Variants in C8orf89 observed in about 807,000 individuals in gnomAD.
C8orf89 encodes the protein chromosome 8 open reading frame 89, also known as putative uncharacterized protein C8orf89.
In C8orf89, 14 loss-of-function variants were observed where a neutral mutation model predicts 15.8. The ratio of observed to expected loss-of-function variants is 0.89; its 90% CI spans 0.59 to 1.39. C8orf89 has a LOEUF of 1.39. C8orf89 is among the 40% of genes most tolerant of loss of function. The probability of loss-of-function intolerance (pLI) is 0.00; values close to 1 mark genes in which losing one functional copy is unlikely to be tolerated. For synonymous variants in C8orf89, 55 were observed against 62.2 expected (o/e 0.88, Z 0.54); for missense variants, 181 against 184.5 (o/e 0.98, Z 0.11).
chr8:73,267,762 C>T, the C8orf89 span, among the ~76,000 whole-genome samples: 328 of 152,206 alleles, frequency 2.2e-3, 2 homozygotes, highest in African/African-American at 7.2e-3. Context: ...GTAGTTACCA[C>T]GTACAGTCAG....
chr8:73,241,437 A>G lies in C8orf89; in HGVS notation c.*20T>C. The G allele has an allele frequency of 6.7e-7, 1 of 1,490,036 alleles. No individual in the cohort carries two copies. The highest frequency in any genetic ancestry group is 8.9e-7 in the Non-Finnish European group (1 of 1,122,178). The allele number at this position is 1,490,036 out of a possible 1,614,324, so 92.3% of individuals were successfully genotyped here. Reference sequence around the variant, plus strand: ...AAGCTTAAAAGTCACTGAAGAAAGCATCACACTGTACGACATTTTTCAGCG... The same window carrying G: ...AAGCTTAAAAGTCACTGAAGAAAGCGTCACACTGTACGACATTTTTCAGCG... On this transcript the variant is annotated 3_prime_UTR_variant, in exon 4 of 4. Coordinates refer to ENST00000624510, the MANE Select transcript of C8orf89 (RefSeq NM_001243237.3).
At chr8:73,285,917 C>A in the C8orf89 span, among the ~76,000 whole-genome samples, 1 of 152,212 alleles carries the variant, frequency 6.6e-6, no homozygotes, top group African/African-American at 2.4e-5. Flanking sequence ...CCGGCGTCTC[C>A]CGAGGCTGCA....
chr8:73,280,203 ATTTCCTTT>A, the C8orf89 span, among the ~76,000 whole-genome samples: 1 of 151,836 alleles, frequency 6.6e-6, no homozygotes, highest in Non-Finnish European at 1.5e-5. Context: ...GCACCTGGGG[ATTTCCTTT>A]TCTTTGTTCC....
chr8:73,285,278 G>A, the C8orf89 span, among the ~76,000 whole-genome samples: 1 of 152,176 alleles, frequency 6.6e-6, no homozygotes, highest in East Asian at 1.9e-4. Context: ...ATAGATGTAA[G>A]TACTTACTTA....
chr8:73,277,612 C>T, the C8orf89 span: 827 of 761,718 alleles, frequency 1.1e-3, 6 homozygotes, highest in African/African-American at 0.011. Context: ...CATCTTCTGC[C>T]TTTGTGGACC....
chr8:73,266,598 T>C, the C8orf89 span, among the ~76,000 whole-genome samples: 2 of 152,212 alleles, frequency 1.3e-5, no homozygotes, highest in Non-Finnish European at 2.9e-5. Flanking sequence ...TATATGGTGC[T>C]GATGGCAACC....
At chr8:73,280,718 C>T in the C8orf89 span, among the ~76,000 whole-genome samples, 1 of 149,214 alleles carries the variant, frequency 6.7e-6, no homozygotes, top group South Asian at 2.2e-4. Context: ...TATATATATA[C>T]ACATATATAT....
chr8:73,263,340 T>C (rs1813562481), upstream of C8orf89, among the ~76,000 whole-genome samples: 1 of 151,960 alleles, frequency 6.6e-6, no homozygotes, highest in South Asian at 2.1e-4. Context: ...TGGCAAAACC[T>C]CATCTGTACT....
chr8:73,251,815 CG>C (rs1813255699), intron 2 of C8orf89, among the ~76,000 whole-genome samples: 1 of 152,110 alleles, frequency 6.6e-6, no homozygotes, highest in Non-Finnish European at 1.5e-5. Context: ...GGTAACAAGA[CG>C]GGTCCATACC....
the C8orf89 span, among the ~76,000 whole-genome samples, chr8:73,269,418 GA>G: frequency 6.6e-6 from 1 of 152,276 alleles, no homozygotes; most frequent in African/African-American, 2.4e-5. Flanking sequence ...AAATCACATT[GA>G]AACAATAGTC....
chr8:73,285,612 CTG>C, the C8orf89 span, among the ~76,000 whole-genome samples: 1 of 152,240 alleles, frequency 6.6e-6, no homozygotes, highest in Non-Finnish European at 1.5e-5. Flanking sequence ...CCAGCACTCA[CTG>C]TGCCCGCAGC....
chr8:73,276,053 T>C, the C8orf89 span, among the ~76,000 whole-genome samples: 1 of 152,184 alleles, frequency 6.6e-6, no homozygotes, highest in Non-Finnish European at 1.5e-5. Context: ...TTGGTTTTTG[T>C]TCGCTCCCTT....
At chr8:73,257,498 T>G (rs1813423057) in intron 1 of C8orf89, among the ~76,000 whole-genome samples, 2 of 152,216 alleles carry the variant, frequency 1.3e-5, no homozygotes, top group Non-Finnish European at 2.9e-5. Flanking sequence ...TTAGAGTATT[T>G]CCATTTTCCT....
intron 1 of C8orf89, among the ~76,000 whole-genome samples, chr8:73,258,637 T>TC: frequency 6.6e-6 from 1 of 151,242 alleles, no homozygotes; most frequent in Admixed American, 6.6e-5. Flanking sequence ...AATTTTTTTT[T>TC]TTTTTTTTTG....
upstream of C8orf89, among the ~76,000 whole-genome samples, chr8:73,261,287 C>T (rs577377560): frequency 7.2e-5 from 11 of 152,258 alleles, no homozygotes; most frequent in East Asian, 1.4e-3. Flanking sequence ...TGCCTTTCTC[C>T]GGTGAGAGAC....
intron 3 of C8orf89, among the ~76,000 whole-genome samples, chr8:73,245,763 C>A (rs544503298): frequency 6.6e-6 from 1 of 152,130 alleles, no homozygotes; most frequent in African/African-American, 2.4e-5. Context: ...ATATAACTTA[C>A]CAAAACTGAT....
At chr8:73,248,091 T>C (rs555891294) in intron 3 of C8orf89, among the ~76,000 whole-genome samples, 18 of 152,348 alleles carry the variant, frequency 1.2e-4, no homozygotes, top group African/African-American at 4.1e-4. Flanking sequence ...TTTAAGTCTT[T>C]AATCTATCTT....
the C8orf89 span, among the ~76,000 whole-genome samples, chr8:73,272,509 G>A: frequency 6.6e-6 from 1 of 151,958 alleles, no homozygotes; most frequent in South Asian, 2.1e-4. Flanking sequence ...CAACGTGCAG[G>A]TTTATTATAT....
chr8:73,252,644 A>C (rs1184976799), intron 2 of C8orf89, among the ~76,000 whole-genome samples: 1 of 152,182 alleles, frequency 6.6e-6, no homozygotes, highest in Non-Finnish European at 1.5e-5. Context: ...TTTCAAGAGT[A>C]CTTAAAAAGA....
Sources: allele counts gnomAD v4.1 joint callset (sites outside exome capture counted in the v4.1 genomes callset), GRCh38; gene constraint gnomAD v4.1.1; transcripts MANE v1.5; gene names NCBI Gene and HGNC (gene_info 2026-07-23, HGNC 2026-07-21).